The following ESRRG variants were observed in gnomAD, a reference collection of about 807,000 sequenced individuals.
ESRRG encodes the protein estrogen-related receptor gamma.
Under a neutral mutation model 44.0 loss-of-function variants are expected in ESRRG, and 13 were observed. The ratio of observed to expected loss-of-function variants is 0.30; its 90% confidence interval spans 0.19 to 0.47. ESRRG has a LOEUF of 0.47. ESRRG is among the 20% of genes least tolerant of loss of function. The pLI is 1.00. For missense variants in ESRRG, 395 were observed against 580.6 expected (o/e 0.68, Z 3.29); for synonymous variants, 215 against 214.6 (o/e 1.00, Z -0.02).
intron 6 of ESRRG, among the ~76,000 whole-genome samples, chr1:216,514,056 A>G (rs1380646708): frequency 6.6e-6 from 1 of 152,064 alleles, no homozygotes; most frequent in Non-Finnish European, 1.5e-5. Context: ...TCAGGTAAAT[A>G]CCTTTGGAAG....
chr1:216,957,270 A>G lies in ESRRG; in HGVS notation c.-105-17597T>C, dbSNP rs369979802. ...ACACTCTCCCTAGGTGGTCACAGCT[A>G]GTCTCTATAGTTTTGAATACCATAT... On this transcript the variant is annotated intron_variant, in intron 1 of 7. Transcript: ENST00000359162. Among the ~76,000 whole-genome samples the G allele has an allele frequency of 2.6e-4, 40 of 152,256 alleles. 1 individual carries two copies. In the East Asian group the frequency reaches 6.0e-3, roughly 23 times the overall value.
At chr1:216,779,306 A>T (rs1175965629) in intron 2 of ESRRG, among the ~76,000 whole-genome samples, 1 of 26,604 alleles carries the variant, frequency 3.8e-5, no homozygotes, top group Non-Finnish European at 6.3e-5. Flanking sequence ...ATTTATAAAC[A>T]TTATATTTAT....
chr1:216,580,211 G>A lies in ESRRG; in HGVS notation c.590-12113C>T, dbSNP rs990946637. ...AATGTACAACATGCTTTACAGCCAT[G>A]CACTATGATGATTTTTGTTTTTCTT... On this transcript the variant is annotated intron_variant, in intron 3 of 6. Transcript: ENST00000408911. 5.3e-5 allele frequency among the ~76,000 whole-genome samples: 8 copies of A among 152,302 alleles called. No homozygotes were observed. In the East Asian group the frequency reaches 1.5e-3, roughly 29 times the overall value.
At chr1:216,581,987 T>C (rs1175313265) in intron 3 of ESRRG, among the ~76,000 whole-genome samples, 1 of 152,212 alleles carries the variant, frequency 6.6e-6, no homozygotes, top group Non-Finnish European at 1.5e-5. Flanking sequence ...AGTTTGACAA[T>C]TGGCTGGTTA....
chr1:216,648,941 C>T (rs1014181869), intron 3 of ESRRG, among the ~76,000 whole-genome samples: 3 of 152,008 alleles, frequency 2.0e-5, no homozygotes, highest in African/African-American at 7.2e-5. Flanking sequence ...ATAATTAAGG[C>T]CAGAAATTGA....
At chr1:216,691,980 T>C (rs547493738) in intron 1 of ESRRG, among the ~76,000 whole-genome samples, 1 of 152,342 alleles carries the variant, frequency 6.6e-6, no homozygotes, top group East Asian at 1.9e-4. Flanking sequence ...CTGCCAGTCA[T>C]ATAAAAGTAT....
intron 1 of ESRRG, among the ~76,000 whole-genome samples, chr1:217,022,759 C>T (rs1403697818): frequency 1.3e-5 from 2 of 152,084 alleles, no homozygotes; most frequent in African/African-American, 4.8e-5. Context: ...TTTGGCATCC[C>T]CCACATCTGG....
intron 2 of ESRRG, among the ~76,000 whole-genome samples, chr1:216,825,867 C>A (rs1265117280): frequency 6.6e-6 from 1 of 152,162 alleles, no homozygotes; most frequent in Non-Finnish European, 1.5e-5. Flanking sequence ...GGCAGATGGG[C>A]TTCCCATTCT....
intron 2 of ESRRG, among the ~76,000 whole-genome samples, chr1:216,907,928 A>G (rs2059867641): frequency 6.6e-6 from 1 of 152,140 alleles, no homozygotes; most frequent in African/African-American, 2.4e-5. Flanking sequence ...TTCCACAGGG[A>G]GAAGCCAAAA....
chr1:216,689,974 T>C (rs2078762350), intron 1 of ESRRG, among the ~76,000 whole-genome samples: 1 of 151,982 alleles, frequency 6.6e-6, no homozygotes. Flanking sequence ...CAACAATAAA[T>C]GCTGAGGAAG....
intron 3 of ESRRG, among the ~76,000 whole-genome samples, chr1:216,617,248 C>T (rs1302767287): frequency 6.6e-6 from 1 of 152,024 alleles, no homozygotes; most frequent in Admixed American, 6.6e-5. Flanking sequence ...AAACCAAACG[C>T]CACTTGAGAA....
chr1:216,686,439 CAAAAAAAAAAAAA>C (rs58718125), intron 1 of ESRRG, among the ~76,000 whole-genome samples: 1 of 107,178 alleles, frequency 9.3e-6, no homozygotes, highest in Non-Finnish European at 1.8e-5. Context: ...TATTGTTAAC[CAAAAAAAAAAAAA>C]AAAAAAAAAA....
At position 216,990,047 on chromosome 1, in the gene ESRRG, G is replaced by A. The variant is rs566154487; in HGVS notation, c.-105-50374C>T. On this transcript the variant is annotated intron_variant, in intron 1 of 7. Coordinates refer to the ESRRG transcript ENST00000359162. ...CTACAGAAACACTGAGAAATTCTCC[G>A]TTATACCCAACAATTCTTTAGAGTC... is the stretch of plus-strand genomic sequence containing the variant. Among the ~76,000 whole-genome samples the A allele has an allele frequency of 1.6e-4, 25 of 152,120 alleles. No individual in the cohort carries two copies. The South Asian group carries it at 3.1e-3, about 19-fold the overall frequency.
intron 1 of ESRRG, among the ~76,000 whole-genome samples, chr1:217,099,180 C>A (rs2092467691): frequency 6.6e-6 from 1 of 152,070 alleles, no homozygotes; most frequent in African/African-American, 2.4e-5. Flanking sequence ...ACATGGAGTC[C>A]TAATGAATGA....
chr1:216,966,656 T>G (rs559250693), intron 1 of ESRRG, among the ~76,000 whole-genome samples: 9 of 152,264 alleles, frequency 5.9e-5, no homozygotes, highest in South Asian at 4.2e-4. Flanking sequence ...CTTCCGGCTC[T>G]TGTTTTCTTA....
chr1:216,916,621 C>G (rs2061199672), intron 2 of ESRRG, among the ~76,000 whole-genome samples: 1 of 152,118 alleles, frequency 6.6e-6, no homozygotes, highest in South Asian at 2.1e-4. Flanking sequence ...CTGTGTTCCT[C>G]TTTTCCTCTA....
At position 217,056,787 on chromosome 1, in the gene ESRRG, A is replaced by G. The variant is rs934676982; in HGVS notation, c.-106+32720T>C. Among the ~76,000 whole-genome samples, 5 of 151,722 alleles carry G rather than the reference A, an allele frequency of 3.3e-5. 1 individual carries two copies. Among genetic ancestry groups the G allele is most frequent in the Admixed American group, 1.3e-4 (2 of 15,168 alleles). The stretch of plus-strand genomic sequence containing the variant: ...AACTAGGAGACAAAGTTTCCTCTTG[A>G]ACCCCAAAATACCAGTTAATGGGGC... On this transcript the variant is annotated intron_variant, in intron 1 of 7. Coordinates refer to the ESRRG transcript ENST00000359162.
chr1:216,632,102 T>A (rs1307131754), intron 3 of ESRRG, among the ~76,000 whole-genome samples: 1 of 152,236 alleles, frequency 6.6e-6, no homozygotes, highest in African/African-American at 2.4e-5. Flanking sequence ...AGAAAACACA[T>A]ACTCTATCCA....
At chr1:216,740,254 G>A (rs1003933609) in intron 2 of ESRRG, among the ~76,000 whole-genome samples, 3 of 152,208 alleles carry the variant, frequency 2.0e-5, no homozygotes, top group Admixed American at 6.5e-5. Context: ...GTGTGGAGAT[G>A]TTCCCAATTT....
Sources: gnomAD v4.1 joint callset for allele counts (sites outside exome capture counted in the v4.1 genomes callset) on GRCh38, gnomAD v4.1.1 for gene constraint, MANE v1.5 for transcripts, NCBI Gene and HGNC (gene_info 2026-07-23, HGNC 2026-07-21) for gene names.